C10orf67: variants seen among roughly 807,000 people sequenced by gnomAD.
C10orf67 encodes the protein chromosome 10 open reading frame 67.
Under a neutral mutation model 35.6 loss-of-function variants are expected in C10orf67, and 60 were observed. That is an observed-to-expected ratio of 1.68 (90% CI 1.37 to 2.09). C10orf67 has a LOEUF of 2.09. Among genes scored for constraint, C10orf67 ranks in the 30% most tolerant of loss-of-function variants. The probability of loss-of-function intolerance (pLI) is 0.00; values close to 1 mark genes in which losing one functional copy is unlikely to be tolerated. For synonymous variants in C10orf67, 167 were observed against 115.8 expected (o/e 1.44, Z -2.84); for missense variants, 474 against 330.2 (o/e 1.44, Z -3.38).
chr10:23,298,184 G>A (rs567670571), intron 5 of C10orf67, among the ~76,000 whole-genome samples: 3 of 152,310 alleles, frequency 2.0e-5, no homozygotes, highest in African/African-American at 7.2e-5. Flanking sequence ...GAACCTGGGA[G>A]GCGGAGCTTG....
At chr10:23,255,733 C>T (rs927567488) in intron 10 of C10orf67, among the ~76,000 whole-genome samples, 1 of 151,974 alleles carries the variant, frequency 6.6e-6, no homozygotes, top group Non-Finnish European at 1.5e-5. Flanking sequence ...CAGGAAGGCA[C>T]TGGTAAATTG....
At chr10:23,306,658 A>G (rs1268302710) in intron 4 of C10orf67, among the ~76,000 whole-genome samples, 1 of 152,154 alleles carries the variant, frequency 6.6e-6, no homozygotes, top group African/African-American at 2.4e-5. Context: ...TCTAACGTAC[A>G]GTATGGTGAC....
intron 12 of C10orf67, among the ~76,000 whole-genome samples, chr10:23,246,142 A>C (rs183666764): frequency 6.6e-6 from 1 of 152,346 alleles, no homozygotes; most frequent in Admixed American, 6.5e-5. Flanking sequence ...AAGTGGGAGC[A>C]AAACATTGAG....
chr10:23,344,710 C>A lies in C10orf67; in HGVS notation c.65G>T (p.Cys22Phe). The A allele has an allele frequency of 6.4e-7, 1 of 1,573,998 alleles. No individual in the cohort carries two copies. The highest frequency in any genetic ancestry group is 8.6e-7 in the Non-Finnish European group (1 of 1,160,096). The change falls in exon 1 of 16, where the codon TGC becomes TTC. Residue 22 changes from cysteine (C) to phenylalanine (F), a missense_variant. By Grantham distance (205) the Cys-to-Phe change is radical. Transcript: ENST00000636213. The stretch of plus-strand genomic sequence containing the variant: ...GGTCCCCCTCAAGGAGGAGGAAAAG[C>A]AGTGAACCCATCTAATAACTATGCT... ...VMSIVIRWVHCFSSSLRGTFG... is the reference protein window; with the variant it reads ...VMSIVIRWVHFFSSSLRGTFG...
At chr10:23,337,105 G>T (rs930431538) in intron 1 of C10orf67, among the ~76,000 whole-genome samples, 3 of 152,036 alleles carry the variant, frequency 2.0e-5, no homozygotes, top group Non-Finnish European at 4.4e-5. Context: ...AATAAAATAG[G>T]AATCCATCAA....
intron 4 of C10orf67, among the ~76,000 whole-genome samples, chr10:23,314,190 A>AAAT (rs1554815237): frequency 6.6e-6 from 1 of 151,360 alleles, no homozygotes; most frequent in African/African-American, 2.4e-5. Context: ...TCTGTTTCAA[A>AAAT]AACAACAACA....
chr10:23,236,602 G>T (rs1047557502), intron 13 of C10orf67, among the ~76,000 whole-genome samples: 3 of 152,148 alleles, frequency 2.0e-5, no homozygotes, highest in Non-Finnish European at 4.4e-5. Context: ...CTTTGGCCGG[G>T]CGTGGTGGCT....
intron 12 of C10orf67, among the ~76,000 whole-genome samples, chr10:23,248,231 G>T (rs1842364874): frequency 6.6e-6 from 1 of 152,238 alleles, no homozygotes; most frequent in South Asian, 2.1e-4. Context: ...GATGCATGTG[G>T]ATTGCCGCCT....
chr10:23,220,289 T>C (rs1381427259), intron 15 of C10orf67, among the ~76,000 whole-genome samples: 3 of 152,188 alleles, frequency 2.0e-5, no homozygotes, highest in Non-Finnish European at 4.4e-5. Flanking sequence ...CTTGGGATTA[T>C]ACTATGAACA....
intron 4 of C10orf67, among the ~76,000 whole-genome samples, chr10:23,314,450 G>A (rs115915833): frequency 0.032 from 4,706 of 148,422 alleles, 225 homozygotes; most frequent in African/African-American, 0.11. Flanking sequence ...AGTGAGACTC[G>A]TCTCTAATGA....
At chr10:23,342,565 T>C (rs1476033557) in intron 1 of C10orf67, among the ~76,000 whole-genome samples, 1 of 152,126 alleles carries the variant, frequency 6.6e-6, no homozygotes, top group Non-Finnish European at 1.5e-5. Flanking sequence ...GCCTGGCAAG[T>C]GCATTTTTTT....
chr10:23,322,133 C>T (rs2132342476), intron 3 of C10orf67, among the ~76,000 whole-genome samples: 1 of 152,268 alleles, frequency 6.6e-6, no homozygotes, highest in South Asian at 2.1e-4. Flanking sequence ...CCTTTCTGTG[C>T]CTCAGTTTTC....
intron 5 of C10orf67, among the ~76,000 whole-genome samples, chr10:23,295,555 T>C (rs1295950892): frequency 1.3e-5 from 2 of 152,196 alleles, no homozygotes; most frequent in Non-Finnish European, 2.9e-5. Flanking sequence ...CAATTTACAT[T>C]CAATACAGCA....
chr10:23,207,614 T>C (rs1312789651), intron 15 of C10orf67, among the ~76,000 whole-genome samples: 3 of 152,210 alleles, frequency 2.0e-5, no homozygotes, highest in African/African-American at 7.2e-5. Flanking sequence ...GTGATTTCAG[T>C]TCAGCCCTTC....
chr10:23,278,965 T>C (rs967104097), intron 8 of C10orf67, among the ~76,000 whole-genome samples: 7 of 152,130 alleles, frequency 4.6e-5, no homozygotes, highest in African/African-American at 1.4e-4. Flanking sequence ...CCTAAGTGGA[T>C]TGTGGGTCGG....
chr10:23,255,828 A>G (rs1842586374), intron 10 of C10orf67, among the ~76,000 whole-genome samples: 2 of 152,208 alleles, frequency 1.3e-5, no homozygotes, highest in African/African-American at 4.8e-5. Context: ...ATTCAACGGT[A>G]TGGAATGATG....
At chr10:23,306,142 T>A (rs550632595) in intron 4 of C10orf67, among the ~76,000 whole-genome samples, 20 of 152,254 alleles carry the variant, frequency 1.3e-4, no homozygotes, top group African/African-American at 4.8e-4. Context: ...TTATGCTAAG[T>A]GAAATAAGCC....
intron 7 of C10orf67, among the ~76,000 whole-genome samples, chr10:23,283,509 A>G (rs1843433579): frequency 6.6e-6 from 1 of 152,096 alleles, no homozygotes; most frequent in Non-Finnish European, 1.5e-5. Context: ...TCTTTCTGAA[A>G]CACAAATCTG....
At position 23,276,708 on chromosome 10, in the gene C10orf67, C is replaced by T. The variant is rs138503423; in HGVS notation, c.975+5305G>A. On this transcript the variant is annotated intron_variant, in intron 8 of 15. Transcript: ENST00000636213. The stretch of plus-strand genomic sequence containing the variant: ...TGTATTCCATCTAGGAATACAACAG[C>T]ACAACACTAGATATTGCCCATGGTG... 5.9e-5 allele frequency among the ~76,000 whole-genome samples: 9 copies of T among 152,218 alleles called. No homozygotes were observed. The East Asian group carries it at 1.5e-3, about 26-fold the overall frequency.
Sources: gnomAD v4.1 joint callset for allele counts (sites outside exome capture counted in the v4.1 genomes callset) on GRCh38, gnomAD v4.1.1 for gene constraint, MANE v1.5 for transcripts, NCBI Gene and HGNC (gene_info 2026-07-23, HGNC 2026-07-21) for gene names.